RNF217: variants seen among roughly 807,000 people sequenced by gnomAD.
RNF217 encodes the protein ring finger protein 217.
In RNF217, 31 loss-of-function variants were observed where a neutral mutation model predicts 57.8. That is an observed-to-expected ratio of 0.54 (90% confidence interval 0.40 to 0.72). RNF217 has a LOEUF of 0.72. Ranked by LOEUF, RNF217 falls within the 30% of genes least tolerant of loss-of-function variation. The probability of loss-of-function intolerance (pLI) is 0.00; values close to 1 mark genes in which losing one functional copy is unlikely to be tolerated. For synonymous variants in RNF217, 313 were observed against 294.0 expected (o/e 1.06, Z -0.66); for missense variants, 696 against 708.3 (o/e 0.98, Z 0.20).
rs145839863 is a variant in RNF217, at chr6:125,059,068, A to G, written c.1281+962A>G. On this transcript the variant is annotated intron_variant, in intron 3 of 5. Transcript: ENST00000521654. ...GGAAGTAAAAGTATATTCTAAGCCT[A>G]TAAATGAGCATAATAATAATAAATG... Among the ~76,000 whole-genome samples, 34 of 152,328 alleles carry G rather than the reference A, an allele frequency of 2.2e-4. No homozygotes were observed. The East Asian group carries it at 4.4e-3, about 20-fold the overall frequency.
At chr6:125,057,176 ATTGTTG>A (rs1001106572) in intron 2 of RNF217, among the ~76,000 whole-genome samples, 19 of 151,934 alleles carry the variant, frequency 1.3e-4, no homozygotes, top group Non-Finnish European at 2.4e-4. Flanking sequence ...CTGTGTTTTT[ATTGTTG>A]TTGTTGTTGT....
intron 1 of RNF217, among the ~76,000 whole-genome samples, chr6:124,987,898 A>G (rs1232207797): frequency 6.6e-6 from 1 of 152,200 alleles, no homozygotes; most frequent in Non-Finnish European, 1.5e-5. Context: ...TTGTGATTTT[A>G]GATTGGATTA....
At chr6:124,974,734 T>C (rs1728465434) in intron 1 of RNF217, among the ~76,000 whole-genome samples, 1 of 152,238 alleles carries the variant, frequency 6.6e-6, no homozygotes, top group African/African-American at 2.4e-5. Context: ...TAGTGTTGTA[T>C]CTAATGACAC....
chr6:125,019,455 A>G (rs938315897), intron 1 of RNF217, among the ~76,000 whole-genome samples: 2 of 152,190 alleles, frequency 1.3e-5, no homozygotes, highest in African/African-American at 4.8e-5. Context: ...CTGTGACTAT[A>G]TAAGCAACAC....
chr6:125,082,977 G>A lies in RNF217; in HGVS notation c.*40G>A. On this transcript the variant is annotated 3_prime_UTR_variant, in exon 6 of 6. Coordinates refer to ENST00000521654, the MANE Select transcript of RNF217 (RefSeq NM_001286398.3). ...CATCCAGCTAAGCTGGTTGGAGTAG[G>A]AGCGATACCAAAGGGTACACCCATC... 1 of 1,426,854 alleles carries A rather than the reference G, an allele frequency of 7.0e-7. No homozygotes were observed. Among genetic ancestry groups the A allele is most frequent in the Non-Finnish European group, 9.6e-7 (1 of 1,039,352 alleles). 88.4% of individuals were successfully genotyped at this position (1,426,854 alleles called of 1,614,324 possible).
At chr6:125,011,582 G>A (rs1392764654) in intron 1 of RNF217, among the ~76,000 whole-genome samples, 1 of 152,074 alleles carries the variant, frequency 6.6e-6, no homozygotes, top group East Asian at 1.9e-4. Flanking sequence ...AAAATCACTC[G>A]GTTAATGTCT....
intron 1 of RNF217, among the ~76,000 whole-genome samples, chr6:124,975,826 A>G (rs1783934760): frequency 6.6e-6 from 1 of 152,174 alleles, no homozygotes; most frequent in Non-Finnish European, 1.5e-5. Flanking sequence ...CAATAGGGGC[A>G]ATCCCAAAAT....
At chr6:125,043,182 G>A (rs1434961518) in intron 1 of RNF217, among the ~76,000 whole-genome samples, 2 of 152,060 alleles carry the variant, frequency 1.3e-5, no homozygotes, top group African/African-American at 4.8e-5. Flanking sequence ...CCAAGGCTGT[G>A]ATCTTTAAGT....
chr6:125,063,688 A>G (rs9321018), intron 3 of RNF217, among the ~76,000 whole-genome samples: 2,066 of 147,894 alleles, frequency 0.014, 41 homozygotes, highest in African/African-American at 0.044. Flanking sequence ...ATAACATAAC[A>G]GGATTGGTAG....
chr6:125,060,068 TTA>T (rs1391944122), intron 3 of RNF217, among the ~76,000 whole-genome samples: 1 of 152,146 alleles, frequency 6.6e-6, no homozygotes, highest in African/African-American at 2.4e-5. Flanking sequence ...GACCCTAAAA[TTA>T]TGTTTTGCCC....
intron 3 of RNF217, among the ~76,000 whole-genome samples, chr6:125,067,979 CTGAT>C (rs1787998741): frequency 6.6e-6 from 1 of 152,098 alleles, no homozygotes; most frequent in Non-Finnish European, 1.5e-5. Flanking sequence ...TACTGAGCGA[CTGAT>C]TAAGTGACAC....
chr6:125,004,026 CTT>C (rs1010268563), intron 1 of RNF217, among the ~76,000 whole-genome samples: 1 of 149,854 alleles, frequency 6.7e-6, no homozygotes, highest in African/African-American at 2.5e-5. Context: ...TTGGATTAGA[CTT>C]TTTAATTCTA....
chr6:125,032,670 AAG>A (rs1786411359), intron 1 of RNF217, among the ~76,000 whole-genome samples: 2 of 152,152 alleles, frequency 1.3e-5, no homozygotes, highest in African/African-American at 4.8e-5. Context: ...GGACAGTTGT[AAG>A]AGATAATTGT....
intron 4 of RNF217, among the ~76,000 whole-genome samples, chr6:125,079,173 G>T (rs946902818): frequency 2.6e-5 from 4 of 152,148 alleles, no homozygotes; most frequent in African/African-American, 4.8e-5. Flanking sequence ...AATTATAAAG[G>T]AGAAGAGAGA....
rs150304563 is a variant in RNF217 at position 125,081,455 on chromosome 6, A to G, written c.1503A>G (p.Ala501=). 36 of 1,611,122 alleles carry G rather than the reference A, an allele frequency of 2.2e-5. No homozygotes were observed. The African/African-American group carries it at 4.5e-4, about 20-fold the overall frequency. The change falls in exon 5 of 6, where the codon GCA becomes GCG. Residue 501 remains alanine, a synonymous_variant. Coordinates refer to ENST00000521654, the MANE Select transcript of RNF217 (RefSeq NM_001286398.3). ...GSVCAGKLFI[A]PLIMVLGLAL... ...TTCCAGCTGGAAAATTATTCATTGC[A>G]CCTCTAATTATGGTTTTGGGATTGG...
chr6:125,000,147 T>C (rs1784921213), intron 1 of RNF217, among the ~76,000 whole-genome samples: 1 of 152,184 alleles, frequency 6.6e-6, no homozygotes, highest in African/African-American at 2.4e-5. Flanking sequence ...TGTTTATTTT[T>C]TTTTAGTGCT....
At chr6:124,981,714 G>A (rs1240779703) in intron 1 of RNF217, among the ~76,000 whole-genome samples, 1 of 151,990 alleles carries the variant, frequency 6.6e-6, no homozygotes, top group East Asian at 1.9e-4. Flanking sequence ...CAACACAACT[G>A]TTTAACATAG....
intron 2 of RNF217, among the ~76,000 whole-genome samples, chr6:125,051,737 T>C (rs906308440): frequency 2.0e-5 from 3 of 152,058 alleles, no homozygotes; most frequent in Non-Finnish European, 4.4e-5. Context: ...CTTAACACAG[T>C]GGACCTCTTG....
At position 125,009,555 on chromosome 6, in the gene RNF217, G is replaced by T. The variant is rs1277654748; in HGVS notation, c.883-35656G>T. The T allele has an allele frequency of 8.5e-6, 3 of 352,660 alleles. No individual in the cohort carries two copies. In the East Asian group the frequency reaches 1.3e-4, roughly 15 times the overall value. The allele number at this position is 352,660 out of a possible 1,614,324, so 21.8% of individuals were successfully genotyped here. A position where few individuals can be genotyped will look rare whatever the true frequency, so the allele number is the denominator to read the frequency against. On this transcript the variant is annotated intron_variant, in intron 1 of 5. Coordinates refer to ENST00000521654, the MANE Select transcript of RNF217 (RefSeq NM_001286398.3). ...TTTATTATGATGATAGGATGTTGGT[G>T]CCTGGCAGCTGACTATTCTATTGCA...
Sources: allele counts gnomAD v4.1 joint callset (sites outside exome capture counted in the v4.1 genomes callset), GRCh38; gene constraint gnomAD v4.1.1; transcripts MANE v1.5; gene names NCBI Gene and HGNC (gene_info 2026-07-23, HGNC 2026-07-21).